The following ROBO2 variants were observed in gnomAD, a reference collection of about 807,000 sequenced individuals.
ROBO2 encodes the protein roundabout guidance receptor 2, also known as roundabout homolog 2.
In ROBO2, 53 loss-of-function variants were observed where a neutral mutation model predicts 160.8. The ratio of observed to expected loss-of-function variants is 0.33; its 90% CI spans 0.26 to 0.41. ROBO2 has a LOEUF of 0.41. Among genes scored for constraint, ROBO2 ranks in the 10% least tolerant of loss-of-function variants. The pLI is 1.00. For missense variants in ROBO2, 1,577 were observed against 1,722.4 expected (o/e 0.92, Z 1.49); for synonymous variants, 664 against 611.7 (o/e 1.09, Z -1.26).
At chr3:77,061,536 A>G (rs925659662) in intron 1 of ROBO2, among the ~76,000 whole-genome samples, 1 of 152,216 alleles carries the variant, frequency 6.6e-6, no homozygotes, top group Admixed American at 6.5e-5. Flanking sequence ...TTTTGAAATC[A>G]GTAACGGATT....
At chr3:76,271,927 A>G (rs1707456017) in intron 2 of ROBO2, among the ~76,000 whole-genome samples, 1 of 152,102 alleles carries the variant, frequency 6.6e-6, no homozygotes, top group South Asian at 2.1e-4. Context: ...ACCCATCAGA[A>G]TATTTCTTTT....
At chr3:76,326,457 A>G (rs1326866265) in intron 2 of ROBO2, among the ~76,000 whole-genome samples, 3 of 152,152 alleles carry the variant, frequency 2.0e-5, no homozygotes, top group Non-Finnish European at 2.9e-5. Context: ...TATACATACC[A>G]TGTACATACT....
chr3:77,289,377 C>G (rs538030652), intron 2 of ROBO2, among the ~76,000 whole-genome samples: 1 of 151,486 alleles, frequency 6.6e-6, no homozygotes, highest in African/African-American at 2.4e-5. Flanking sequence ...GACTAGATCA[C>G]CCCAGACATA....
At chr3:77,252,667 G>GCC (rs1365923875) in intron 2 of ROBO2, among the ~76,000 whole-genome samples, 1 of 150,248 alleles carries the variant, frequency 6.7e-6, no homozygotes, top group African/African-American at 2.4e-5. Flanking sequence ...AATTAGCTGG[G>GCC]CGTGGTGGCG....
intron 2 of ROBO2, among the ~76,000 whole-genome samples, chr3:77,332,882 T>G (rs920615031): frequency 6.6e-6 from 1 of 152,182 alleles, no homozygotes; most frequent in African/African-American, 2.4e-5. Flanking sequence ...AATACCAGGT[T>G]AAAAACAGAG....
At chr3:76,783,390 T>G (rs2062775203) in intron 2 of ROBO2, among the ~76,000 whole-genome samples, 1 of 147,274 alleles carries the variant, frequency 6.8e-6, no homozygotes, top group African/African-American at 2.5e-5. Flanking sequence ...TTAGCAACTC[T>G]TCATTTCATT....
At chr3:77,436,676 C>T (rs1225960643) in intron 2 of ROBO2, among the ~76,000 whole-genome samples, 4 of 151,862 alleles carry the variant, frequency 2.6e-5, no homozygotes, top group African/African-American at 7.2e-5. Flanking sequence ...TGTAGAGATA[C>T]TGGATTTCAG....
intron 2 of ROBO2, among the ~76,000 whole-genome samples, chr3:77,198,769 G>T (rs2150995738): frequency 6.6e-6 from 1 of 152,222 alleles, no homozygotes; most frequent in Middle Eastern, 3.4e-3. Flanking sequence ...CAGACATGGT[G>T]CTGTGTGCCT....
chr3:77,440,541 T>C (rs915478133), intron 2 of ROBO2, among the ~76,000 whole-genome samples: 2 of 152,156 alleles, frequency 1.3e-5, no homozygotes, highest in African/African-American at 2.4e-5. Flanking sequence ...AGCCCATATA[T>C]ATGGGTCATG....
intron 1 of ROBO2, among the ~76,000 whole-genome samples, chr3:77,069,729 C>T (rs955529903): frequency 2.0e-5 from 3 of 152,224 alleles, no homozygotes; most frequent in East Asian, 1.9e-4. Flanking sequence ...GTGAGCAGCA[C>T]GGACCAGGTG....
At chr3:76,798,314 A>AAGAAAGAAAGAG (rs1458499659) in intron 2 of ROBO2, among the ~76,000 whole-genome samples, 1 of 151,224 alleles carries the variant, frequency 6.6e-6, no homozygotes, top group African/African-American at 2.5e-5. Flanking sequence ...GAAAGAAAGA[A>AAGAAAGAAAGAG]AAAAGAACGA....
chr3:76,174,435 G>A (rs1044577957), intron 2 of ROBO2, among the ~76,000 whole-genome samples: 8 of 152,100 alleles, frequency 5.3e-5, no homozygotes, highest in African/African-American at 1.9e-4. Flanking sequence ...TGACATCTTT[G>A]CCCATGCCTA....
intron 2 of ROBO2, among the ~76,000 whole-genome samples, chr3:75,951,503 A>G (rs1948534752): frequency 6.6e-6 from 1 of 152,100 alleles, no homozygotes. Context: ...GGCCCATAAT[A>G]TGTGAACTCC....
chr3:76,239,794 C>T (rs1383060038), intron 2 of ROBO2, among the ~76,000 whole-genome samples: 1 of 152,120 alleles, frequency 6.6e-6, no homozygotes, highest in Non-Finnish European at 1.5e-5. Flanking sequence ...GTGACCTTGG[C>T]CTCAAATTGG....
chr3:75,998,267 T>C (rs2065787585), intron 2 of ROBO2, among the ~76,000 whole-genome samples: 1 of 152,258 alleles, frequency 6.6e-6, no homozygotes, highest in Non-Finnish European at 1.5e-5. Context: ...TGTGTTTTGT[T>C]AATTTGAATT....
intron 1 of ROBO2, among the ~76,000 whole-genome samples, chr3:75,920,192 T>A (rs572031804): frequency 6.6e-6 from 1 of 152,360 alleles, no homozygotes; most frequent in Admixed American, 6.5e-5. Flanking sequence ...CTCTAAACAC[T>A]GTTTTACCTG....
At chr3:77,642,748 G>A (rs1341658234) in intron 24 of ROBO2, 1 of 456,698 alleles carries the variant, frequency 2.2e-6, no homozygotes, top group Non-Finnish European at 4.4e-6. Flanking sequence ...GGCTGGTAAC[G>A]TGGAAAACTC....
chr3:76,899,805 A>T (rs1479982879), intron 2 of ROBO2, among the ~76,000 whole-genome samples: 4 of 152,106 alleles, frequency 2.6e-5, no homozygotes, highest in African/African-American at 9.7e-5. Context: ...AATCATTGAG[A>T]ATCAGATGAG....
chr3:76,780,826 T>C (rs1365339349), intron 2 of ROBO2, among the ~76,000 whole-genome samples: 4 of 150,928 alleles, frequency 2.7e-5, no homozygotes, highest in Non-Finnish European at 4.5e-5. Context: ...AGCTTTGTAA[T>C]ATTATTTGAA....
Sources: gnomAD v4.1 joint callset for allele counts (sites outside exome capture counted in the v4.1 genomes callset) on GRCh38, gnomAD v4.1.1 for gene constraint, MANE v1.5 for transcripts, NCBI Gene and HGNC (gene_info 2026-07-23, HGNC 2026-07-21) for gene names.